CCDC171: variants seen among roughly 807,000 people sequenced by gnomAD.
The protein encoded by CCDC171 is coiled-coil domain-containing protein 171.
A neutral mutation model predicts 168.2 loss-of-function variants in CCDC171; 177 were observed. The observed-to-expected ratio is 1.05, with a 90% CI of 0.93 to 1.19. The LOEUF (loss-of-function observed/expected upper bound fraction) is 1.19. CCDC171 is among the 50% of genes most tolerant of loss of function. The probability of loss-of-function intolerance (pLI) is 0.00; values close to 1 mark genes in which losing one functional copy is unlikely to be tolerated. For missense variants in CCDC171, 1,991 were observed against 1,539.0 expected (o/e 1.29, Z -4.91); for synonymous variants, 687 against 540.8 (o/e 1.27, Z -3.75).
chr9:15,642,202 A>G (rs2046666099), intron 7 of CCDC171, among the ~76,000 whole-genome samples: 2 of 151,710 alleles, frequency 1.3e-5, no homozygotes, highest in Non-Finnish European at 2.9e-5. Flanking sequence ...TGTATAGTAC[A>G]TAATACAGTG....
chr9:15,835,372 C>T (rs1343561325), intron 21 of CCDC171, among the ~76,000 whole-genome samples: 1 of 152,048 alleles, frequency 6.6e-6, no homozygotes, highest in Non-Finnish European at 1.5e-5. Context: ...TTATGATATC[C>T]TGTGTCTAAA....
At chr9:16,083,988 T>C in the CCDC171 span, among the ~76,000 whole-genome samples, 4 of 152,312 alleles carry the variant, frequency 2.6e-5, no homozygotes, top group East Asian at 7.7e-4. Flanking sequence ...AGATAAGTGG[T>C]AGACTAAAGA....
chr9:15,771,833 C>CT (rs34248254), intron 18 of CCDC171, among the ~76,000 whole-genome samples: 1 of 151,896 alleles, frequency 6.6e-6, no homozygotes, highest in African/African-American at 2.4e-5. Flanking sequence ...GACCAGGTAG[C>CT]TTTTTTGGGG....
At chr9:15,995,148 A>G (rs565072680) in intron 3 of CCDC171, among the ~76,000 whole-genome samples, 4 of 152,164 alleles carry the variant, frequency 2.6e-5, no homozygotes, top group Non-Finnish European at 5.9e-5. Context: ...AAAAGTTTTT[A>G]TATTTACTCT....
At chr9:15,597,452 GA>G (rs1564014047) in intron 6 of CCDC171, among the ~76,000 whole-genome samples, 1 of 152,146 alleles carries the variant, frequency 6.6e-6, no homozygotes, top group East Asian at 1.9e-4. Context: ...TACGTTTATT[GA>G]TTTGCATATG....
intron 6 of CCDC171, among the ~76,000 whole-genome samples, chr9:16,029,471 C>G (rs376576210): frequency 7.2e-5 from 11 of 152,254 alleles, no homozygotes; most frequent in African/African-American, 2.6e-4. Flanking sequence ...GCTGTGTGGC[C>G]ACATCTGGGC....
intron 16 of CCDC171, among the ~76,000 whole-genome samples, chr9:15,732,753 A>G (rs777561887): frequency 6.6e-6 from 1 of 152,124 alleles, no homozygotes; most frequent in Non-Finnish European, 1.5e-5. Context: ...TTAAACATCC[A>G]TGGAAAGGTT....
chr9:15,898,257 A>G (rs543843197), intron 24 of CCDC171, among the ~76,000 whole-genome samples: 13 of 152,150 alleles, frequency 8.5e-5, no homozygotes, highest in African/African-American at 2.9e-4. Flanking sequence ...TTATTTGGCA[A>G]TTCCTGATTG....
At chr9:15,873,233 T>G (rs373080042) in intron 23 of CCDC171, among the ~76,000 whole-genome samples, 1 of 152,058 alleles carries the variant, frequency 6.6e-6, no homozygotes, top group African/African-American at 2.4e-5. Context: ...AGAGTTTGTT[T>G]TGTGAAATGT....
chr9:15,729,840 A>T, intron 16 of CCDC171, 42 bp downstream of exon 16: 5 of 1,523,872 alleles, frequency 3.3e-6, no homozygotes, highest in Non-Finnish European at 4.5e-6. Flanking sequence ...TGGGTTACTC[A>T]GTGTAACCAT....
intron 8 of CCDC171, among the ~76,000 whole-genome samples, chr9:15,658,729 A>G (rs1246204499): frequency 1.3e-5 from 2 of 152,118 alleles, no homozygotes; most frequent in Non-Finnish European, 2.9e-5. Flanking sequence ...TGGCCTCCAG[A>G]AGTTAGAAAA....
chr9:15,693,273 C>T (rs892895729), intron 10 of CCDC171, among the ~76,000 whole-genome samples: 1 of 152,066 alleles, frequency 6.6e-6, no homozygotes, highest in Non-Finnish European at 1.5e-5. Flanking sequence ...TACTGTCAAC[C>T]CACTTCCCTT....
At chr9:15,728,183 C>A in intron 15 of CCDC171, 147 bp downstream of exon 15, 1 of 654,180 alleles carries the variant, frequency 1.5e-6, no homozygotes, top group Non-Finnish European at 2.5e-6. Flanking sequence ...GGCTTGTCTA[C>A]AACTCAGTTT....
chr9:15,721,408 G>A (rs1359315334), intron 11 of CCDC171, among the ~76,000 whole-genome samples: 1 of 151,532 alleles, frequency 6.6e-6, no homozygotes, highest in Non-Finnish European at 1.5e-5. Context: ...TGGATAAAAG[G>A]TATGTACAAA....
At chr9:15,934,389 C>CA (rs71304892) in intron 25 of CCDC171, among the ~76,000 whole-genome samples, 50,325 of 113,888 alleles carry the variant, frequency 0.44, 10,070 homozygotes, top group African/African-American at 0.47. Context: ...GACCCTGTCT[C>CA]AAAAAAAAAA....
intron 18 of CCDC171, among the ~76,000 whole-genome samples, chr9:15,766,794 T>C (rs2056747024): frequency 6.6e-6 from 1 of 152,160 alleles, no homozygotes; most frequent in African/African-American, 2.4e-5. Context: ...TATCTAGGAC[T>C]ACAGATGTGT....
chr9:15,753,717 GC>G (rs2055911117), intron 18 of CCDC171, among the ~76,000 whole-genome samples: 1 of 152,102 alleles, frequency 6.6e-6, no homozygotes, highest in Non-Finnish European at 1.5e-5. Context: ...AGAGGAAATA[GC>G]AGGTTCAGGA....
chr9:15,843,465 C>T lies in CCDC171; in HGVS notation c.3268-3237C>T, dbSNP rs575829828. Among the ~76,000 whole-genome samples the T allele has an allele frequency of 2.6e-5, 4 of 151,396 alleles. No individual in the cohort carries two copies. The South Asian group carries it at 6.2e-4, about 24-fold the overall frequency. On this transcript the variant is annotated intron_variant, in intron 21 of 25. Transcript: ENST00000380701. ...AGTATCAGGCTTTGAATTTTTTTTT[C>T]TTGGTAAGTATTAAGACCTGAGTAC...
chr9:15,728,620 C>T (rs2053965432), intron 15 of CCDC171, among the ~76,000 whole-genome samples: 1 of 152,110 alleles, frequency 6.6e-6, no homozygotes, highest in Admixed American at 6.5e-5. Flanking sequence ...ACATTACTAT[C>T]TCACAAGTCT....
Sources: allele counts gnomAD v4.1 joint callset (sites outside exome capture counted in the v4.1 genomes callset), GRCh38; gene constraint gnomAD v4.1.1; transcripts MANE v1.5; gene names NCBI Gene and HGNC (gene_info 2026-07-23, HGNC 2026-07-21).